The following CADM1 variants were observed in gnomAD, a reference collection of about 807,000 sequenced individuals.
CADM1 encodes the protein cell adhesion molecule 1, also known as TSLC-1.
A neutral mutation model predicts 53.1 loss-of-function variants in CADM1; 15 were observed. The ratio of observed to expected loss-of-function variants is 0.28; its 90% CI spans 0.19 to 0.44. CADM1 has a LOEUF of 0.44. Ranked by LOEUF, CADM1 falls within the 20% of genes least tolerant of loss-of-function variation. CADM1 has a pLI of 1.00. For missense variants in CADM1, 434 were observed against 611.3 expected, an observed-to-expected ratio of 0.71 and a Z score of 3.06; for synonymous variants, 281 against 243.0, an observed-to-expected ratio of 1.16 and a Z score of -1.45.
chr11:115,411,174 T>G, intron 1 of CADM1, among the ~76,000 whole-genome samples: 1 of 152,242 alleles, frequency 6.6e-6, no homozygotes, highest in Non-Finnish European at 1.5e-5. Context: ...GTAAACCTAA[T>G]CAAGGAAAAC....
In CADM1 at chr11:115,276,523, C is replaced by T. The variant is rs187453531; in HGVS notation, c.125-36103G>A. The stretch of plus-strand genomic sequence containing the variant: ...AGATAGAAAAATATACACAAGAATA[C>T]ACGCACAGATCCTCACAGTGAAAAA... On this transcript the variant is annotated intron_variant, in intron 1 of 11. Coordinates refer to ENST00000331581, the MANE Select transcript of CADM1 (RefSeq NM_001301043.2). Among the ~76,000 whole-genome samples, 708 of 152,278 alleles carry T rather than the reference C, an allele frequency of 4.6e-3. 1 individual carries two copies. Among genetic ancestry groups the T allele is most frequent in the Middle Eastern group, 0.01 (3 of 294 alleles).
chr11:115,196,501 G>T (rs776921874), intron 9 of CADM1, among the ~76,000 whole-genome samples: 72 of 150,994 alleles, frequency 4.8e-4, no homozygotes, highest in South Asian at 1.3e-3. Context: ...CATTATATCA[G>T]GGGTGTCCAA....
intron 5 of CADM1, among the ~76,000 whole-genome samples, chr11:115,226,043 C>T (rs1346066373): frequency 6.6e-6 from 1 of 151,926 alleles, no homozygotes; most frequent in Non-Finnish European, 1.5e-5. Flanking sequence ...ACTCTGAGGT[C>T]CATGAATGGG....
rs201992532 is a variant in CADM1 at position 115,265,280 on chromosome 11, TTAACCTC to T, written c.125-24867_125-24861del. On this transcript the variant is annotated intron_variant, in intron 1 of 11. Coordinates refer to ENST00000331581, the MANE Select transcript of CADM1 (RefSeq NM_001301043.2). The stretch of plus-strand genomic sequence containing the variant: ...TCATGAGGAAAGGAAAGAAGTGACT[TTAACCTC>T]TAAGAGAGAAGGAACCTGGGTGTTG... 3.9e-3 allele frequency among the ~76,000 whole-genome samples: 587 copies of T among 152,288 alleles called. 3 individuals carry two copies. The highest frequency in any genetic ancestry group is 0.02 in the Middle Eastern group (6 of 294).
At chr11:115,192,301 G>A (rs1939914926) in intron 9 of CADM1, among the ~76,000 whole-genome samples, 1 of 152,194 alleles carries the variant, frequency 6.6e-6, no homozygotes, top group African/African-American at 2.4e-5. Flanking sequence ...GGTGCTAATA[G>A]TTAACAGCAG....
intron 1 of CADM1, among the ~76,000 whole-genome samples, chr11:115,468,234 A>G: frequency 6.6e-6 from 1 of 152,250 alleles, no homozygotes; most frequent in East Asian, 1.9e-4. Flanking sequence ...GGAAAAAATC[A>G]AGACACAGAA....
At position 115,309,720 on chromosome 11, in the gene CADM1, C is replaced by G. The variant is rs535188175; in HGVS notation, c.125-69300G>C. Reference sequence around the variant, plus strand: ...AGATGTTAGTTCCGGTTCTATCCCCCGGCCGTGTGACTTAAGGCAAGTCAC... The same window carrying G: ...AGATGTTAGTTCCGGTTCTATCCCCGGGCCGTGTGACTTAAGGCAAGTCAC... On this transcript the variant is annotated intron_variant, in intron 1 of 11. Coordinates refer to ENST00000331581, the MANE Select transcript of CADM1 (RefSeq NM_001301043.2). Among the ~76,000 whole-genome samples, 12 of 152,196 alleles carry G rather than the reference C, an allele frequency of 7.9e-5. No individual in the cohort carries two copies. In the South Asian group the frequency reaches 2.5e-3, roughly 32 times the overall value.
chr11:115,418,508 T>C (rs932392492), intron 1 of CADM1, among the ~76,000 whole-genome samples: 1 of 152,196 alleles, frequency 6.6e-6, no homozygotes, highest in Non-Finnish European at 1.5e-5. Context: ...AGCTAAGCTC[T>C]ACAGCAGAAT....
In CADM1 at chr11:115,295,729, T is replaced by A. The variant is rs181895816; in HGVS notation, c.125-55309A>T. 8.7e-3 allele frequency among the ~76,000 whole-genome samples: 1,324 copies of A among 151,818 alleles called. 21 individuals carry two copies. Among genetic ancestry groups the A allele is most frequent in the African/African-American group, 0.03 (1,260 of 41,452 alleles). On this transcript the variant is annotated intron_variant, in intron 1 of 11. Coordinates refer to ENST00000331581, the MANE Select transcript of CADM1 (RefSeq NM_001301043.2). The stretch of plus-strand genomic sequence containing the variant: ...CAATCTGCTTTTTCAGCATGATTTC[T>A]CATAGAATTACTCTCTCCAGGTTTT...
At chr11:115,282,594 T>C (rs541483628) in intron 1 of CADM1, among the ~76,000 whole-genome samples, 1 of 152,302 alleles carries the variant, frequency 6.6e-6, no homozygotes, top group East Asian at 1.9e-4. Flanking sequence ...TAGGAAAGTG[T>C]TGGCAATTTG....
At chr11:115,372,138 C>T (rs961662149) in intron 1 of CADM1, among the ~76,000 whole-genome samples, 2 of 152,118 alleles carry the variant, frequency 1.3e-5, no homozygotes, top group East Asian at 3.9e-4. Flanking sequence ...ATAATATATT[C>T]TTCACAGAAT....
intron 5 of CADM1, among the ~76,000 whole-genome samples, chr11:115,223,191 A>G (rs143764479): frequency 5.6e-4 from 86 of 152,306 alleles, no homozygotes; most frequent in African/African-American, 1.9e-3. Context: ...ATCACAGAAT[A>G]TAATTTTGTT....
At chr11:115,479,932 C>T (rs1425630426) in intron 1 of CADM1, among the ~76,000 whole-genome samples, 1 of 152,140 alleles carries the variant, frequency 6.6e-6, no homozygotes, top group Non-Finnish European at 1.5e-5. Flanking sequence ...CAACAGACAA[C>T]AGGAGAGATA....
intron 1 of CADM1, among the ~76,000 whole-genome samples, chr11:115,475,229 A>G (rs1949104951): frequency 6.6e-6 from 1 of 152,040 alleles, no homozygotes; most frequent in Admixed American, 6.5e-5. Flanking sequence ...TTGTTATACT[A>G]TATTTTTTAT....
chr11:115,224,613 C>T (rs569179921), intron 5 of CADM1, among the ~76,000 whole-genome samples: 1 of 152,118 alleles, frequency 6.6e-6, no homozygotes, highest in Non-Finnish European at 1.5e-5. Flanking sequence ...AGCCACACAG[C>T]AGTAATTCAA....
At chr11:115,185,369 A>G (rs1939494187) in intron 10 of CADM1, among the ~76,000 whole-genome samples, 1 of 152,202 alleles carries the variant, frequency 6.6e-6, no homozygotes, top group South Asian at 2.1e-4. Context: ...ATTTATACAG[A>G]ATTGACAAAC....
intron 1 of CADM1, among the ~76,000 whole-genome samples, chr11:115,312,553 C>T (rs147099863): frequency 3.3e-5 from 5 of 152,152 alleles, no homozygotes; most frequent in African/African-American, 1.2e-4. Context: ...AATATTAGAG[C>T]AACAAGATAT....
chr11:115,312,994 G>C (rs1037729597), intron 1 of CADM1, among the ~76,000 whole-genome samples: 17 of 151,840 alleles, frequency 1.1e-4, no homozygotes, highest in South Asian at 2.1e-4. Context: ...TGCTGTAAAT[G>C]ATTTTTTAGA....
intron 5 of CADM1, 108 bp from the exon 6 acceptor site, chr11:115,218,099 T>C: frequency 4.1e-6 from 3 of 737,600 alleles, no homozygotes; most frequent in African/African-American, 1.7e-5. Flanking sequence ...CTCTCTCCCA[T>C]CCGATGCCTT....
Sources: allele counts gnomAD v4.1 joint callset (sites outside exome capture counted in the v4.1 genomes callset), GRCh38; gene constraint gnomAD v4.1.1; transcripts MANE v1.5; gene names NCBI Gene and HGNC (gene_info 2026-07-23, HGNC 2026-07-21).